UNC5C: variants seen among roughly 807,000 people sequenced by gnomAD.
UNC5C encodes the protein unc-5 netrin receptor C, also known as netrin receptor UNC5C.
A neutral mutation model predicts 99.8 loss-of-function variants in UNC5C; 47 were observed. The ratio of observed to expected loss-of-function variants is 0.47; its 90% CI spans 0.37 to 0.60. The LOEUF is 0.60. UNC5C is among the 20% of genes least tolerant of loss of function. UNC5C has a pLI of 0.00. For missense variants in UNC5C, 1,062 were observed against 1,165.9 expected (o/e 0.91, Z 1.30); for synonymous variants, 487 against 452.2 (o/e 1.08, Z -0.98).
chr4:95,341,207 A>G (rs1045458463), intron 1 of UNC5C, among the ~76,000 whole-genome samples: 1 of 151,960 alleles, frequency 6.6e-6, no homozygotes, highest in East Asian at 1.9e-4. Flanking sequence ...CCACTGCAGC[A>G]TTATTTGTCT....
chr4:95,480,474 A>G (rs545785505), intron 1 of UNC5C, among the ~76,000 whole-genome samples: 5 of 152,056 alleles, frequency 3.3e-5, no homozygotes, highest in Admixed American at 1.3e-4. Flanking sequence ...AATCTTGTGA[A>G]GAATTTTCTC....
chr4:95,459,316 G>A (rs1320950437), intron 1 of UNC5C, among the ~76,000 whole-genome samples: 1 of 152,032 alleles, frequency 6.6e-6, no homozygotes, highest in Non-Finnish European at 1.5e-5. Flanking sequence ...CTTCCTCTAA[G>A]AACTTTCTTT....
At chr4:95,460,183 A>G (rs1409094572) in intron 1 of UNC5C, among the ~76,000 whole-genome samples, 1 of 143,878 alleles carries the variant, frequency 7.0e-6, no homozygotes, top group Non-Finnish European at 1.5e-5. Flanking sequence ...GGTGGATGGA[A>G]CTGTCCATGT....
At chr4:95,329,465 A>G (rs1310917670) in intron 2 of UNC5C, among the ~76,000 whole-genome samples, 1 of 152,156 alleles carries the variant, frequency 6.6e-6, no homozygotes, top group Non-Finnish European at 1.5e-5. Context: ...TATTGATGGT[A>G]TTTTCAAATG....
chr4:95,417,682 G>A (rs1384863), intron 1 of UNC5C, among the ~76,000 whole-genome samples: 19,972 of 152,082 alleles, frequency 0.13, 1,410 homozygotes, highest in East Asian at 0.2. Context: ...AGGAAGGAAC[G>A]GGGGCAGGCA....
At chr4:95,525,554 AC>A in intron 1 of UNC5C, among the ~76,000 whole-genome samples, 1 of 144,864 alleles carries the variant, frequency 6.9e-6, no homozygotes, top group East Asian at 2.2e-4. Context: ...ACATTAAAAA[AC>A]CCATATTCAA....
intron 1 of UNC5C, among the ~76,000 whole-genome samples, chr4:95,502,990 A>C (rs1347784377): frequency 6.6e-6 from 1 of 152,100 alleles, no homozygotes; most frequent in Non-Finnish European, 1.5e-5. Context: ...ATTTATATTC[A>C]CTAAGTGTAT....
At chr4:95,178,301 G>A (rs1024548302) in intron 14 of UNC5C, among the ~76,000 whole-genome samples, 2 of 152,148 alleles carry the variant, frequency 1.3e-5, no homozygotes, top group East Asian at 3.9e-4. Flanking sequence ...TCAAAGCCTG[G>A]TCCAAAAGTC....
chr4:95,278,984 C>T (rs1740958612), intron 3 of UNC5C, among the ~76,000 whole-genome samples: 1 of 152,034 alleles, frequency 6.6e-6, no homozygotes, highest in Non-Finnish European at 1.5e-5. Flanking sequence ...TTATGATGAT[C>T]ACAGTTTTAA....
At chr4:95,457,580 G>C (rs1418521333) in intron 1 of UNC5C, among the ~76,000 whole-genome samples, 1 of 151,886 alleles carries the variant, frequency 6.6e-6, no homozygotes, top group East Asian at 1.9e-4. Flanking sequence ...CCATTTGCCC[G>C]CATTTAATGC....
At chr4:95,261,694 T>C (rs1740236053) in intron 4 of UNC5C, among the ~76,000 whole-genome samples, 1 of 148,466 alleles carries the variant, frequency 6.7e-6, no homozygotes, top group Admixed American at 6.9e-5. Flanking sequence ...TATCTTTAAC[T>C]TCCATATGAA....
intron 14 of UNC5C, among the ~76,000 whole-genome samples, chr4:95,178,420 T>C (rs1736459037): frequency 6.6e-6 from 1 of 151,676 alleles, no homozygotes; most frequent in East Asian, 1.9e-4. Context: ...CTGTGCACAT[T>C]GGCTGTATTT....
chr4:95,375,861 A>T (rs1744879612), intron 1 of UNC5C, among the ~76,000 whole-genome samples: 1 of 152,106 alleles, frequency 6.6e-6, no homozygotes. Flanking sequence ...GTAGATCACG[A>T]GGTCAGGAGA....
rs1425192004 is a variant in UNC5C at position 95,198,899 on chromosome 4, G to GTGTT, written c.2136+3828_2136+3831dup. On this transcript the variant is annotated intron_variant, in intron 12 of 15. Transcript: ENST00000453304. Reference sequence around the variant, plus strand: ...TAAAGTTCCAAAAAGATTTGGGAAAGTGTTTAGGATAATAGCTCTTAACTT... The same window carrying GTGTT: ...TAAAGTTCCAAAAAGATTTGGGAAAGTGTTTGTTTAGGATAATAGCTCTTAACTT... Among the ~76,000 whole-genome samples the GTGTT allele has an allele frequency of 1.5e-4, 23 of 152,336 alleles. No homozygotes were observed. In the East Asian group the frequency reaches 4.1e-3, roughly 27 times the overall value.
chr4:95,376,791 C>T (rs1439944578), intron 1 of UNC5C, among the ~76,000 whole-genome samples: 2 of 152,136 alleles, frequency 1.3e-5, no homozygotes, highest in Non-Finnish European at 2.9e-5. Flanking sequence ...CTACATCCAT[C>T]CAATATTTTA....
chr4:95,435,422 T>G (rs1746747729), intron 1 of UNC5C, among the ~76,000 whole-genome samples: 1 of 152,086 alleles, frequency 6.6e-6, no homozygotes, highest in African/African-American at 2.4e-5. Flanking sequence ...ATGTTTAGTC[T>G]TCTGTCATAA....
intron 1 of UNC5C, among the ~76,000 whole-genome samples, chr4:95,496,090 TAGA>T (rs1211822444): frequency 1.3e-5 from 2 of 151,818 alleles, no homozygotes; most frequent in African/African-American, 2.4e-5. Flanking sequence ...ATCTGAGGAC[TAGA>T]AGATTACACT....
chr4:95,412,242 A>G (rs994660422), intron 1 of UNC5C, among the ~76,000 whole-genome samples: 1 of 151,726 alleles, frequency 6.6e-6, no homozygotes, highest in Non-Finnish European at 1.5e-5. Flanking sequence ...TCTCCAAACT[A>G]CCCTTCTCAA....
chr4:95,181,380 GCTCT>G (rs766431003), intron 14 of UNC5C, among the ~76,000 whole-genome samples: 1 of 152,190 alleles, frequency 6.6e-6, no homozygotes, highest in Non-Finnish European at 1.5e-5. Context: ...GCACAGAGCA[GCTCT>G]CTTTCATTTG....
Sources: gnomAD v4.1 joint callset for allele counts (sites outside exome capture counted in the v4.1 genomes callset) on GRCh38, gnomAD v4.1.1 for gene constraint, MANE v1.5 for transcripts, NCBI Gene and HGNC (gene_info 2026-07-23, HGNC 2026-07-21) for gene names.